Variants in ADCY2 observed in about 807,000 individuals in gnomAD.
ADCY2 encodes adenylate cyclase type 2.
ADCY2 carries 31 observed loss-of-function variants against 125.2 expected under a neutral mutation model. That is an observed-to-expected ratio of 0.25 (90% CI 0.19 to 0.33). The LOEUF (loss-of-function observed/expected upper bound fraction) is 0.33, where lower values mean the gene tolerates loss of function less well. Among genes scored for constraint, ADCY2 ranks in the 10% least tolerant of loss-of-function variants. ADCY2 has a pLI of 1.00. For synonymous variants in ADCY2, 512 were observed against 548.4 expected (o/e 0.93, Z 0.93); for missense variants, 904 against 1,418.2 (o/e 0.64, Z 5.82).
chr5:7,484,739 G>C (rs1233696700), intron 2 of ADCY2, among the ~76,000 whole-genome samples: 1 of 152,076 alleles, frequency 6.6e-6, no homozygotes, highest in Non-Finnish European at 1.5e-5. Context: ...CAGTTTTCAG[G>C]TATTCTCAGC....
chr5:7,764,185 A>C (rs1359789066), intron 16 of ADCY2, among the ~76,000 whole-genome samples: 1 of 152,180 alleles, frequency 6.6e-6, no homozygotes, highest in Non-Finnish European at 1.5e-5. Context: ...CAACACCTCA[A>C]TCAAAAGTGG....
chr5:7,637,132 C>T (rs1251700968), intron 4 of ADCY2, among the ~76,000 whole-genome samples: 1 of 151,806 alleles, frequency 6.6e-6, no homozygotes, highest in Non-Finnish European at 1.5e-5. Flanking sequence ...ATCATTGATT[C>T]TAAGGAAGGG....
intron 2 of ADCY2, among the ~76,000 whole-genome samples, chr5:7,455,723 TATA>T (rs1430123546): frequency 2.7e-5 from 4 of 146,202 alleles, no homozygotes; most frequent in Non-Finnish European, 4.5e-5. Flanking sequence ...ATTATGTTAT[TATA>T]ATATATGATA....
Position 7,603,197 on chromosome 5 carries a change from A to G in ADCY2, c.571-22970A>G, listed in dbSNP as rs1737272539. 2.0e-5 allele frequency among the ~76,000 whole-genome samples: 3 copies of G among 152,320 alleles called. No individual in the cohort carries two copies. In the Middle Eastern group the frequency reaches 0.01, roughly 518 times the overall value. The stretch of plus-strand genomic sequence containing the variant: ...GCTGACTTCATTCACATCTTGTTCC[A>G]TCACCCTTTCCAGTCACAGGAGAGC... On this transcript the variant is annotated intron_variant, in intron 3 of 24. Coordinates refer to ENST00000338316, the MANE Select transcript of ADCY2 (RefSeq NM_020546.3).
At chr5:7,415,526 C>T (rs1411615976) in intron 2 of ADCY2, among the ~76,000 whole-genome samples, 2 of 152,204 alleles carry the variant, frequency 1.3e-5, no homozygotes, top group Non-Finnish European at 2.9e-5. Flanking sequence ...CCCTCCAGGA[C>T]TGGTTGTTGT....
chr5:7,573,866 C>A (rs556272900), intron 3 of ADCY2, among the ~76,000 whole-genome samples: 1 of 139,488 alleles, frequency 7.2e-6, no homozygotes. Flanking sequence ...CCCACTAACT[C>A]GTCATCTAGC....
intron 2 of ADCY2, among the ~76,000 whole-genome samples, chr5:7,432,531 C>T (rs1302559595): frequency 1.3e-5 from 2 of 152,202 alleles, no homozygotes; most frequent in Non-Finnish European, 2.9e-5. Flanking sequence ...CTTCGTGCTC[C>T]ATCCCACGAG....
chr5:7,488,313 C>T (rs1489820624), intron 2 of ADCY2, among the ~76,000 whole-genome samples: 1 of 152,178 alleles, frequency 6.6e-6, no homozygotes, highest in Non-Finnish European at 1.5e-5. Flanking sequence ...TGAGGCCTCC[C>T]CAGCCATGTC....
At chr5:7,401,817 T>C (rs958735842) in intron 1 of ADCY2, among the ~76,000 whole-genome samples, 2 of 152,198 alleles carry the variant, frequency 1.3e-5, no homozygotes, top group Non-Finnish European at 2.9e-5. Context: ...TATTCCTGTG[T>C]TGAAGGTGTT....
chr5:7,509,707 A>G (rs1020480322), intron 2 of ADCY2, among the ~76,000 whole-genome samples: 4 of 152,218 alleles, frequency 2.6e-5, no homozygotes, highest in African/African-American at 9.7e-5. Flanking sequence ...TTGCTTAATA[A>G]TATAACATTT....
chr5:7,635,410 G>T (rs896564374), intron 4 of ADCY2, among the ~76,000 whole-genome samples: 6 of 152,116 alleles, frequency 3.9e-5, no homozygotes, highest in African/African-American at 1.4e-4. Flanking sequence ...GTTACTTTTG[G>T]ATTAGCTGCT....
At position 7,816,442 on chromosome 5, in the gene ADCY2, A is replaced by T. The variant is rs759594690; in HGVS notation, c.2884-424A>T. On this transcript the variant is annotated intron_variant, in intron 22 of 24. Coordinates refer to ENST00000338316, the MANE Select transcript of ADCY2 (RefSeq NM_020546.3). ...AATCGCCACTGGCAGCCCAAGGACAAGGAGCGGGCACCCCCTAGCGGTCAG... is the reference window on the plus strand; with the variant it reads ...AATCGCCACTGGCAGCCCAAGGACATGGAGCGGGCACCCCCTAGCGGTCAG... 3.3e-5 allele frequency among the ~76,000 whole-genome samples: 5 copies of T among 152,220 alleles called. No individual in the cohort carries two copies. The South Asian group carries it at 1.0e-3, about 31-fold the overall frequency.
At chr5:7,647,756 C>G (rs574682380) in intron 4 of ADCY2, among the ~76,000 whole-genome samples, 1 of 152,316 alleles carries the variant, frequency 6.6e-6, no homozygotes. Flanking sequence ...TTTTCACCAT[C>G]ATTTGGCAAA....
intron 22 of ADCY2, among the ~76,000 whole-genome samples, chr5:7,805,674 G>A (rs1744738919): frequency 6.6e-6 from 1 of 152,122 alleles, no homozygotes; most frequent in African/African-American, 2.4e-5. Context: ...CCATGTATGA[G>A]CCCCTCTCCC....
chr5:7,808,461 T>C (rs1047260619), intron 22 of ADCY2, among the ~76,000 whole-genome samples: 1 of 152,180 alleles, frequency 6.6e-6, no homozygotes, highest in Non-Finnish European at 1.5e-5. Flanking sequence ...TCCCTGACCT[T>C]GTTGAACCTT....
intron 4 of ADCY2, among the ~76,000 whole-genome samples, chr5:7,686,135 T>C (rs1221244833): frequency 2.6e-5 from 4 of 152,206 alleles, no homozygotes; most frequent in Non-Finnish European, 5.9e-5. Flanking sequence ...CATGGTTTAT[T>C]GAAGGAACAG....
chr5:7,825,128 A>G (rs994822784), intron 24 of ADCY2, among the ~76,000 whole-genome samples: 1 of 150,374 alleles, frequency 6.7e-6, no homozygotes, highest in African/African-American at 2.5e-5. Flanking sequence ...CCAGAACAAC[A>G]CTGCTGTGTC....
chr5:7,488,230 C>T (rs1561052893), intron 2 of ADCY2, among the ~76,000 whole-genome samples: 1 of 152,048 alleles, frequency 6.6e-6, no homozygotes, highest in Admixed American at 6.5e-5. Flanking sequence ...AATAGAGTTC[C>T]CCTGCACAAG....
At chr5:7,648,423 G>C (rs1376007138) in intron 4 of ADCY2, among the ~76,000 whole-genome samples, 1 of 152,096 alleles carries the variant, frequency 6.6e-6, no homozygotes, top group Non-Finnish European at 1.5e-5. Flanking sequence ...GACATGATGG[G>C]AAAATAAGAT....
Sources: gnomAD v4.1 joint callset for allele counts (sites outside exome capture counted in the v4.1 genomes callset) on GRCh38, gnomAD v4.1.1 for gene constraint, MANE v1.5 for transcripts, NCBI Gene and HGNC (gene_info 2026-07-23, HGNC 2026-07-21) for gene names.